PCNT: variants seen among roughly 807,000 people sequenced by gnomAD.
The protein encoded by PCNT is pericentrin, also known as kendrin.
Under a neutral mutation model 380.4 loss-of-function variants are expected in PCNT, and 319 were observed. The ratio of observed to expected loss-of-function variants is 0.84; its 90% CI spans 0.77 to 0.92. PCNT has a LOEUF of 0.92. Ranked by LOEUF, PCNT falls within the 40% of genes least tolerant of loss-of-function variation. The pLI is 0.00. For synonymous variants in PCNT, 1,845 were observed against 1,735.2 expected, an observed-to-expected ratio of 1.06 and a Z score of -1.57; for missense variants, 4,400 against 4,255.3, an observed-to-expected ratio of 1.03 and a Z score of -0.95.
intron 4 of PCNT, 115 bp downstream of exon 4, chr21:46,346,323 T>C (rs2084066136): frequency 2.3e-6 from 2 of 854,564 alleles, no homozygotes; most frequent in Non-Finnish European, 3.8e-6. Flanking sequence ...CTCTGAGTTG[T>C]CTGTTTCCAC....
Position 46,427,670 on chromosome 21 carries a change from G to C in PCNT, c.7369G>C (p.Val2457Leu), listed in dbSNP as rs1294497811. 16 of 1,613,872 alleles carry C rather than the reference G, an allele frequency of 9.9e-6. No homozygotes were observed. Among genetic ancestry groups the C allele is most frequent in the Admixed American group, 5.0e-5 (3 of 60,014 alleles). ...PDWRGDLLQV[V>L]QEAFEKEQEM... ...TTGGAGAGGGGACCTTCTGCAGGTT[G>C]TGCAAGAGGCCTTTGAAAAAGAGCA... is the stretch of plus-strand genomic sequence containing the variant. Residue 2457 changes from valine to leucine, a missense_variant, in exon 34 of 47, where the codon GTG becomes CTG. By Grantham distance (32) the Val-to-Leu change is conservative. Coordinates refer to ENST00000359568, the MANE Select transcript of PCNT (RefSeq NM_006031.6).
intron 32 of PCNT, among the ~76,000 whole-genome samples, chr21:46,422,678 A>G (rs1004563240): frequency 5.9e-5 from 9 of 152,204 alleles, no homozygotes; most frequent in South Asian, 2.1e-4. Flanking sequence ...ATGCCACTAC[A>G]GGAGCTTAGT....
chr21:46,429,855 G>A (rs1376307484), intron 35 of PCNT, among the ~76,000 whole-genome samples, 155 bp from the exon 36 acceptor site: 1 of 152,056 alleles, frequency 6.6e-6, no homozygotes, highest in African/African-American at 2.4e-5. Context: ...GAGCATCCTG[G>A]TTCCACCCGC....
chr21:46,445,232 A>C, intron 46 of PCNT, 52 bp from the exon 47 acceptor site: 1 of 1,278,434 alleles, frequency 7.8e-7, no homozygotes, highest in Non-Finnish European at 1.1e-6. Flanking sequence ...CTTTTCAAAA[A>C]ATCTGTGAAG....
At chr21:46,439,276 C>T (rs1054314875) in intron 41 of PCNT, among the ~76,000 whole-genome samples, 5 of 152,146 alleles carry the variant, frequency 3.3e-5, no homozygotes, top group African/African-American at 1.2e-4. Context: ...CTGGCTCTCT[C>T]CCAGAAAGGT....
At chr21:46,432,377 T>G (rs566208682) in intron 38 of PCNT, among the ~76,000 whole-genome samples, 162 bp downstream of exon 38, 46 of 152,394 alleles carry the variant, frequency 3.0e-4, no homozygotes, top group Admixed American at 5.9e-4. Flanking sequence ...TTACTGTAGC[T>G]TTCTAGAAAG....
intron 38 of PCNT, among the ~76,000 whole-genome samples, chr21:46,432,695 G>A (rs9975246): frequency 4.8e-4 from 72 of 151,438 alleles, no homozygotes; most frequent in African/African-American, 1.6e-3. Flanking sequence ...TGTGATCTCA[G>A]CTCACTGCAG....
chr21:46,351,243 G>A (rs1461797322), intron 8 of PCNT, among the ~76,000 whole-genome samples, 186 bp from the exon 9 acceptor site: 1 of 152,162 alleles, frequency 6.6e-6, no homozygotes, highest in Admixed American at 6.5e-5. Context: ...AGCGCTGACC[G>A]ATCCCTCTTG....
chr21:46,402,667 C>T (rs1291220731), intron 27 of PCNT, among the ~76,000 whole-genome samples, 184 bp downstream of exon 27: 1 of 152,166 alleles, frequency 6.6e-6, no homozygotes, highest in Non-Finnish European at 1.5e-5. Flanking sequence ...AAGCAGCTTT[C>T]TAGGGATCTT....
rs150031904 is a variant in PCNT at position 46,382,260 on chromosome 21, G to C, written c.3312+420G>C. 8.2e-5 allele frequency among the ~76,000 whole-genome samples: 12 copies of C among 147,182 alleles called. 1 individual carries two copies. Among genetic ancestry groups the C allele is most frequent in the African/African-American group, 2.7e-4 (11 of 40,336 alleles). On this transcript the variant is annotated intron_variant, in intron 16 of 46. Coordinates refer to ENST00000359568, the MANE Select transcript of PCNT (RefSeq NM_006031.6). ...TCAGTGGCGGAAGCCCATTCACGGTGTTGTGCATTCAGTGGTGGAAGCGCA... is the reference window on the plus strand; with the variant it reads ...TCAGTGGCGGAAGCCCATTCACGGTCTTGTGCATTCAGTGGTGGAAGCGCA...
chr21:46,354,890 C>A (rs1365441468), intron 11 of PCNT, among the ~76,000 whole-genome samples: 1 of 152,202 alleles, frequency 6.6e-6, no homozygotes, highest in Non-Finnish European at 1.5e-5. Context: ...AGGGCAAGGG[C>A]CCGGCTGGAA....
chr21:46,331,151 A>G (rs1248437111), intron 2 of PCNT, among the ~76,000 whole-genome samples: 1 of 152,134 alleles, frequency 6.6e-6, no homozygotes, highest in African/African-American at 2.4e-5. Context: ...GATGATTTCT[A>G]GCATAAGTCT....
intron 2 of PCNT, among the ~76,000 whole-genome samples, chr21:46,327,483 C>G (rs544513638): frequency 6.6e-6 from 1 of 152,214 alleles, no homozygotes; most frequent in Non-Finnish European, 1.5e-5. Context: ...TCACTGCAGC[C>G]TCAAACCCCT....
rs764867221 is a variant in PCNT, at chr21:46,443,843, G to A, written c.9734G>A (p.Arg3245Lys). ...GCACGACAGCCGCAGTCTCCACCCAGAACCAGAGAGTCCCCCCCAACCCGG... is the reference window on the plus strand; with the variant it reads ...GCACGACAGCCGCAGTCTCCACCCAAAACCAGAGAGTCCCCCCCAACCCGG... ...PRARQPQSPP[R>K]TRESPPTRDV... The change falls in exon 45 of 47, where the codon AGA (arginine) becomes AAA (lysine). Residue 3245 changes from arginine to lysine, a missense_variant. Physicochemically the swap from Arg to Lys is conservative, Grantham distance 26. Coordinates refer to ENST00000359568, the MANE Select transcript of PCNT (RefSeq NM_006031.6). 1 of 1,613,556 alleles carries A rather than the reference G, an allele frequency of 6.2e-7. No individual in the cohort carries two copies. The highest frequency in any genetic ancestry group is 1.1e-5 in the South Asian group (1 of 91,052).
chr21:46,339,795 A>G (rs1049160525), intron 3 of PCNT, among the ~76,000 whole-genome samples: 5 of 152,156 alleles, frequency 3.3e-5, no homozygotes, highest in Non-Finnish European at 5.9e-5. Flanking sequence ...CAATCCAATC[A>G]AGTTGACAAT....
chr21:46,365,568 T>TTCACTGCTGTGGGGTTCTGA (rs2084888158), intron 14 of PCNT, among the ~76,000 whole-genome samples: 1 of 99,878 alleles, frequency 1.0e-5, no homozygotes, highest in Non-Finnish European at 2.2e-5. Context: ...TGGGGTTCTG[T>TTCACTGCTGTGGGGTTCTGA]TCACTCCCAT....
rs146528516 is a variant in PCNT, at chr21:46,342,636, G to C, written c.640-3492G>C. Reference sequence around the variant, plus strand: ...GCTCACTGCAACCTCCGCCTCCCGGGTTCAAGTGATTCTTCTACCTCAGCT... The same window carrying C: ...GCTCACTGCAACCTCCGCCTCCCGGCTTCAAGTGATTCTTCTACCTCAGCT... On this transcript the variant is annotated intron_variant, in intron 3 of 46. Coordinates refer to ENST00000359568, the MANE Select transcript of PCNT (RefSeq NM_006031.6). Among the ~76,000 whole-genome samples, 99 of 152,008 alleles carry C rather than the reference G, an allele frequency of 6.5e-4. 1 individual carries two copies. In the East Asian group the frequency reaches 0.018, roughly 28 times the overall value.
At chr21:46,353,606 A>G (rs2084355269) in intron 10 of PCNT, among the ~76,000 whole-genome samples, 1 of 149,322 alleles carries the variant, frequency 6.7e-6, no homozygotes, top group African/African-American at 2.5e-5. Context: ...GTGTGTGTGC[A>G]TGAGTCAGTG....
In PCNT at chr21:46,443,827, C is replaced by T; in HGVS notation, c.9718C>T (p.Pro3240Ser). The change falls in exon 45 of 47, where the codon CCG becomes TCG. Residue 3240 changes from proline (P) to serine (S), a missense_variant. Coordinates refer to ENST00000359568, the MANE Select transcript of PCNT (RefSeq NM_006031.6). ...TGGGGAAGGGCCCCGAGCACGACAG[C>T]CGCAGTCTCCACCCAGAACCAGAGA... Reference protein sequence around the residue: ...APRPGPRARQPQSPPRTRESP... With the variant: ...APRPGPRARQSQSPPRTRESP... The T allele has an allele frequency of 1.2e-6, 2 of 1,613,688 alleles. No individual in the cohort carries two copies. Among genetic ancestry groups the T allele is most frequent in the Non-Finnish European group, 1.7e-6 (2 of 1,180,002 alleles).
Sources: allele counts gnomAD v4.1 joint callset (sites outside exome capture counted in the v4.1 genomes callset), GRCh38; gene constraint gnomAD v4.1.1; transcripts MANE v1.5; gene names NCBI Gene and HGNC (gene_info 2026-07-23, HGNC 2026-07-21).